The following ITPR1 variants were observed in gnomAD, a reference collection of about 807,000 sequenced individuals.
ITPR1 encodes the protein inositol 1,4,5-trisphosphate-gated calcium channel ITPR1.
ITPR1 carries 96 observed loss-of-function variants against 318.4 expected under a neutral mutation model. The observed-to-expected ratio is 0.30, with a 90% CI of 0.26 to 0.36. The LOEUF (loss-of-function observed/expected upper bound fraction) is 0.36, where lower values mean the gene tolerates loss of function less well. ITPR1 is among the 10% of genes least tolerant of loss of function. ITPR1 has a pLI of 1.00. For missense variants in ITPR1, 2,440 were observed against 3,460.2 expected (o/e 0.71, Z 7.40); for synonymous variants, 1,312 against 1,289.9 (o/e 1.02, Z -0.37).
At chr3:4,523,477 A>G (rs961529390) in intron 4 of ITPR1, among the ~76,000 whole-genome samples, 3 of 152,096 alleles carry the variant, frequency 2.0e-5, no homozygotes, top group African/African-American at 7.2e-5. Flanking sequence ...TGAGTTTCAA[A>G]TATACGGTGT....
chr3:4,556,534 T>C (rs1421350993), intron 4 of ITPR1, among the ~76,000 whole-genome samples: 1 of 151,956 alleles, frequency 6.6e-6, no homozygotes, highest in Non-Finnish European at 1.5e-5. Flanking sequence ...TTTTGCTTTT[T>C]CCAGAATGTG....
rs868119573 is a variant in ITPR1 at position 4,716,167 on chromosome 3, A to G, written c.5104-1200A>G. ...TATAAACACTCTGTGTGCAATGCCT[A>G]CTAATCTCTGCTTTTAATCTACAGT... On this transcript the variant is annotated intron_variant, in intron 39 of 61. Coordinates refer to ENST00000649015, the MANE Select transcript of ITPR1 (RefSeq NM_001378452.1). Among the ~76,000 whole-genome samples the G allele has an allele frequency of 5.9e-5, 9 of 152,334 alleles. No homozygotes were observed. In the South Asian group the frequency reaches 8.3e-4, roughly 14 times the overall value.
At chr3:4,637,088 A>G (rs1358611861) in intron 5 of ITPR1, among the ~76,000 whole-genome samples, 13 of 152,246 alleles carry the variant, frequency 8.5e-5, no homozygotes, top group Non-Finnish European at 1.6e-4. Flanking sequence ...TTTGAGTCCA[A>G]GAAATGCTAC....
intron 42 of ITPR1, among the ~76,000 whole-genome samples, chr3:4,730,552 T>C (rs1482523449): frequency 6.6e-6 from 1 of 152,064 alleles, no homozygotes; most frequent in Non-Finnish European, 1.5e-5. Context: ...TGAGATCCCT[T>C]TGTAACTTGA....
rs751629308 is a variant in ITPR1, at chr3:4,729,848, GA to G, written c.5220+2682del. On this transcript the variant is annotated intron_variant, in intron 42 of 61. Coordinates refer to ENST00000649015, the MANE Select transcript of ITPR1 (RefSeq NM_001378452.1). ...TGCATACTGTAGGTGTAAACTGCTGGAAAAAAACTGGTATTATTTTTAAAAA... is the reference window on the plus strand; with the variant it reads ...TGCATACTGTAGGTGTAAACTGCTGGAAAAAACTGGTATTATTTTTAAAAA... Among the ~76,000 whole-genome samples the G allele has an allele frequency of 8.1e-4, 123 of 151,582 alleles. 1 individual carries two copies. The highest frequency in any genetic ancestry group is 2.8e-3 in the African/African-American group (117 of 41,358).
At chr3:4,645,795 C>CTG (rs750407211) in intron 10 of ITPR1, 67 bp downstream of exon 10, 8 of 1,436,158 alleles carry the variant, frequency 5.6e-6, no homozygotes, top group South Asian at 1.2e-5. Flanking sequence ...GGCTCTCTCT[C>CTG]TCTCTATCCT....
chr3:4,610,734 A>AT (rs1399831315), intron 4 of ITPR1, among the ~76,000 whole-genome samples: 18 of 151,904 alleles, frequency 1.2e-4, no homozygotes, highest in East Asian at 5.8e-4. Context: ...GGGCATTCTC[A>AT]TTTTTTTTGT....
chr3:4,785,620 C>T (rs1001651705), intron 51 of ITPR1, among the ~76,000 whole-genome samples: 10 of 152,182 alleles, frequency 6.6e-5, no homozygotes, highest in African/African-American at 2.4e-4. Flanking sequence ...CCAGCTCTGT[C>T]CTCTAGAGCC....
At position 4,746,422 on chromosome 3, in the gene ITPR1, C is replaced by T. The variant is rs900230396; in HGVS notation, c.5544+11068C>T. Among the ~76,000 whole-genome samples the T allele has an allele frequency of 9.8e-5, 15 of 152,338 alleles. 1 individual carries two copies. The highest frequency in any genetic ancestry group is 2.6e-4 in the African/African-American group (11 of 41,574). Reference sequence around the variant, plus strand: ...GCAACTCATGCCTGCCAATCCCCAGCGGGGCCATGAACTCAGATGCCTTTG... The same window carrying T: ...GCAACTCATGCCTGCCAATCCCCAGTGGGGCCATGAACTCAGATGCCTTTG... On this transcript the variant is annotated intron_variant, in intron 44 of 61. Transcript: ENST00000649015.
At chr3:4,655,218 A>G (rs1160803303) in intron 12 of ITPR1, among the ~76,000 whole-genome samples, 1 of 152,154 alleles carries the variant, frequency 6.6e-6, no homozygotes, top group East Asian at 1.9e-4. Context: ...TGTGTGGCCA[A>G]CATCTGGTGG....
chr3:4,720,604 G>A (rs79379778), intron 40 of ITPR1, among the ~76,000 whole-genome samples: 1,836 of 152,240 alleles, frequency 0.012, 39 homozygotes, highest in African/African-American at 0.041. Context: ...CTGAATCACT[G>A]CCTCCTTGGA....
At chr3:4,661,881 C>T (rs950571403) in intron 14 of ITPR1, among the ~76,000 whole-genome samples, 1 of 152,156 alleles carries the variant, frequency 6.6e-6, no homozygotes, top group South Asian at 2.1e-4. Flanking sequence ...GCCACACTGG[C>T]CCCCATAATA....
intron 4 of ITPR1, among the ~76,000 whole-genome samples, chr3:4,557,585 G>A (rs1166305783): frequency 6.6e-6 from 1 of 152,044 alleles, no homozygotes; most frequent in Non-Finnish European, 1.5e-5. Flanking sequence ...GAAATATTTT[G>A]GCTAAAGCTT....
chr3:4,802,076 GA>G (rs2048269333), intron 54 of ITPR1, among the ~76,000 whole-genome samples: 1 of 152,112 alleles, frequency 6.6e-6, no homozygotes, highest in African/African-American at 2.4e-5. Context: ...TGATAAATAT[GA>G]GGTGAAAAAA....
In ITPR1 at chr3:4,693,495, C is replaced by A; in HGVS notation, c.4035C>A (p.Val1345=). ...KCQDMVMAEL[V]NSGEDVLVFY... ...CCACCCTGTTCTTTATGTAGCTGGT[C>A]AATTCGGGAGAGGATGTCCTCGTGT... The change falls in exon 33 of 62, where the codon GTC becomes GTA. Residue 1345 remains valine (V), a synonymous_variant. Transcript: ENST00000649015. 4 of 1,613,438 alleles carry A rather than the reference C, an allele frequency of 2.5e-6. No homozygotes were observed. Among genetic ancestry groups the A allele is most frequent in the East Asian group, 2.2e-5 (1 of 44,880 alleles).
intron 4 of ITPR1, among the ~76,000 whole-genome samples, chr3:4,621,858 T>G (rs555818716): frequency 1.3e-5 from 2 of 152,194 alleles, no homozygotes; most frequent in African/African-American, 2.4e-5. Context: ...TTTCTCCTCC[T>G]GCAACTCCAA....
Position 4,609,480 on chromosome 3 carries a change from C to T in ITPR1, c.164-18283C>T, listed in dbSNP as rs555086014. ...TGTTTCTTGTTGGGCTTAGGGTGGG[C>T]GAAAGGGTCTCTTTGGAAGGAATGT... On this transcript the variant is annotated intron_variant, in intron 4 of 61. Coordinates refer to ENST00000649015, the MANE Select transcript of ITPR1 (RefSeq NM_001378452.1). Among the ~76,000 whole-genome samples the T allele has an allele frequency of 7.9e-5, 12 of 152,048 alleles. No homozygotes were observed. In the East Asian group the frequency reaches 1.7e-3, roughly 22 times the overall value.
At chr3:4,671,802 A>G (rs2094090960) in intron 20 of ITPR1, 1 of 152,218 alleles carries the variant, frequency 6.6e-6, no homozygotes, top group African/African-American at 2.4e-5. Context: ...TGCCTCCTGT[A>G]TTCTGTTCTT....
chr3:4,751,426 T>C (rs1319709916), intron 44 of ITPR1: 2 of 152,244 alleles, frequency 1.3e-5, no homozygotes, highest in Admixed American at 6.5e-5. Context: ...GCTTCTGAGA[T>C]GGCTCTGTGT....
Sources: gnomAD v4.1 joint callset for allele counts (sites outside exome capture counted in the v4.1 genomes callset) on GRCh38, gnomAD v4.1.1 for gene constraint, MANE v1.5 for transcripts, NCBI Gene and HGNC (gene_info 2026-07-23, HGNC 2026-07-21) for gene names.